The following SLC25A48 variants were observed in gnomAD, a reference collection of about 807,000 sequenced individuals.
The protein encoded by SLC25A48 is solute carrier family 25 member 48, also known as CTC-321K16.1.
A neutral mutation model predicts 32.2 loss-of-function variants in SLC25A48; 29 were observed. The ratio of observed to expected loss-of-function variants is 0.90; its 90% CI spans 0.67 to 1.23. The LOEUF is 1.23. Among genes scored for constraint, SLC25A48 ranks in the 50% most tolerant of loss-of-function variants. The pLI is 0.00. For missense variants in SLC25A48, 399 were observed against 422.7 expected, an observed-to-expected ratio of 0.94 and a Z score of 0.49; for synonymous variants, 164 against 172.3, an observed-to-expected ratio of 0.95 and a Z score of 0.38.
At chr5:135,608,309 T>C (rs1346949986) in intron 1 of SLC25A48, among the ~76,000 whole-genome samples, 1 of 152,210 alleles carries the variant, frequency 6.6e-6, no homozygotes, top group Admixed American at 6.5e-5. Flanking sequence ...AAGACTAACC[T>C]CTGTCTCAGT....
chr5:135,851,667 G>A (rs1181458111), intron 3 of SLC25A48, among the ~76,000 whole-genome samples: 5 of 152,156 alleles, frequency 3.3e-5, no homozygotes, highest in Non-Finnish European at 7.4e-5. Context: ...TACAGTGTGC[G>A]CAGTGAGGAC....
At chr5:135,805,871 G>T (rs1311224570) in intron 3 of SLC25A48, among the ~76,000 whole-genome samples, 1 of 151,532 alleles carries the variant, frequency 6.6e-6, no homozygotes, top group Non-Finnish European at 1.5e-5. Context: ...TACCCTGTGT[G>T]TATACCCTGT....
chr5:135,749,180 C>A (rs1755711224), intron 3 of SLC25A48, among the ~76,000 whole-genome samples: 1 of 152,076 alleles, frequency 6.6e-6, no homozygotes, highest in African/African-American at 2.4e-5. Context: ...CTCAGTGAGT[C>A]TTTGCACAGT....
intron 2 of SLC25A48, among the ~76,000 whole-genome samples, chr5:135,630,892 G>A (rs140701435): frequency 0.014 from 2,079 of 152,132 alleles, 35 homozygotes; most frequent in African/African-American, 0.048. Flanking sequence ...ATGAGCCACC[G>A]TGCCTGGCCT....
intron 1 of SLC25A48, among the ~76,000 whole-genome samples, chr5:135,622,350 A>G (rs1752344599): frequency 6.6e-6 from 1 of 152,238 alleles, no homozygotes; most frequent in African/African-American, 2.4e-5. Flanking sequence ...AGAGATTCAC[A>G]TATAGACTTA....
At chr5:135,591,188 C>T (rs150920594) in intron 1 of SLC25A48, among the ~76,000 whole-genome samples, 210 of 152,340 alleles carry the variant, frequency 1.4e-3, no homozygotes, top group Non-Finnish European at 2.3e-3. Context: ...TGCAAAGCAT[C>T]GGAGGTCACA....
intron 3 of SLC25A48, among the ~76,000 whole-genome samples, chr5:135,765,875 G>T (rs1172255090): frequency 7.2e-6 from 1 of 139,654 alleles, no homozygotes; most frequent in Non-Finnish European, 1.6e-5. Context: ...TCCCCACATT[G>T]CAGGGGGCAT....
In SLC25A48 at chr5:135,629,615, C is replaced by G. The variant is rs1490179409; in HGVS notation, c.-709+239C>G. Among the ~76,000 whole-genome samples the G allele has an allele frequency of 1.3e-5, 2 of 152,186 alleles. No individual in the cohort carries two copies. Among genetic ancestry groups the G allele is most frequent in the Non-Finnish European group, 2.9e-5 (2 of 68,036 alleles). On this transcript the variant is annotated intron_variant, in intron 2 of 10. Transcript: ENST00000646290. This position sits in a 1 kb window ranked among gnomAD's most constrained non-coding sequence, Gnocchi z 4.8. Reference sequence around the variant, plus strand: ...AAGAAGCCGATAAAAGATGTGTTAGCCAGCAGGCTGACTCTGTGGGCGCCT... The same window carrying G: ...AAGAAGCCGATAAAAGATGTGTTAGGCAGCAGGCTGACTCTGTGGGCGCCT...
At chr5:135,690,555 G>A (rs1754121032) in intron 3 of SLC25A48, among the ~76,000 whole-genome samples, 1 of 152,200 alleles carries the variant, frequency 6.6e-6, no homozygotes, top group Admixed American at 6.5e-5. Flanking sequence ...CTACTGCTCT[G>A]CTATGATTTG....
intron 3 of SLC25A48, among the ~76,000 whole-genome samples, chr5:135,756,415 T>C (rs1321713398): frequency 1.3e-5 from 2 of 152,126 alleles, no homozygotes; most frequent in African/African-American, 2.4e-5. Flanking sequence ...CCTTGTGTGG[T>C]GGCTCATGCC....
chr5:135,579,236 C>T (rs1032797580), exon 1 of SLC25A48: 6 of 220,196 alleles, frequency 2.7e-5, no homozygotes, highest in Admixed American at 2.4e-4. Context: ...CACAACACGC[C>T]GCCTTCGCAC....
At chr5:135,796,640 G>C (rs1757188173) in intron 3 of SLC25A48, among the ~76,000 whole-genome samples, 1 of 151,360 alleles carries the variant, frequency 6.6e-6, no homozygotes, top group Admixed American at 6.6e-5. Context: ...ATCCAGAGGG[G>C]GAGATGGTGA....
chr5:135,635,924 T>C (rs249593), intron 3 of SLC25A48, among the ~76,000 whole-genome samples: 46,406 of 151,858 alleles, frequency 0.31, 7,465 homozygotes, highest in East Asian at 0.62. Context: ...CCAAAGTAAG[T>C]CCATCCCGAA....
At chr5:135,674,827 C>G (rs1018350824) in intron 3 of SLC25A48, among the ~76,000 whole-genome samples, 3 of 151,788 alleles carry the variant, frequency 2.0e-5, no homozygotes, top group African/African-American at 7.3e-5. Context: ...GCATACCTCC[C>G]TTTGATATAC....
intron 3 of SLC25A48, among the ~76,000 whole-genome samples, chr5:135,777,600 T>C (rs79116537): frequency 0.026 from 3,975 of 151,876 alleles, 75 homozygotes; most frequent in Middle Eastern, 0.048. Flanking sequence ...TTGCAGGGCA[T>C]GTAACCGCCC....
At chr5:135,621,913 C>G (rs966905626) in intron 1 of SLC25A48, among the ~76,000 whole-genome samples, 1 of 152,002 alleles carries the variant, frequency 6.6e-6, no homozygotes, top group African/African-American at 2.4e-5. Context: ...AAATTACCAC[C>G]TTAAAGCCAG....
intron 3 of SLC25A48, among the ~76,000 whole-genome samples, chr5:135,670,133 G>T (rs1753620955): frequency 6.6e-6 from 1 of 152,184 alleles, no homozygotes; most frequent in Non-Finnish European, 1.5e-5. Flanking sequence ...AGATTTCAGG[G>T]CAGTAGACCT....
intron 3 of SLC25A48, among the ~76,000 whole-genome samples, chr5:135,809,474 T>A (rs750713330): frequency 2.0e-5 from 3 of 152,222 alleles, no homozygotes; most frequent in Non-Finnish European, 4.4e-5. Flanking sequence ...CCTCCCTCTA[T>A]TTTTAAAAAT....
At chr5:135,720,476 C>T (rs1040597622) in intron 3 of SLC25A48, among the ~76,000 whole-genome samples, 1 of 152,198 alleles carries the variant, frequency 6.6e-6, no homozygotes, top group Non-Finnish European at 1.5e-5. Flanking sequence ...ACCCAGCCAG[C>T]CTGTGTGACT....
Sources: gnomAD v4.1 joint callset for allele counts (sites outside exome capture counted in the v4.1 genomes callset) on GRCh38, gnomAD v4.1.1 for gene constraint, Gnocchi (gnomAD v3.1) non-coding constraint, MANE v1.5 for transcripts, NCBI Gene and HGNC (gene_info 2026-07-23, HGNC 2026-07-21) for gene names.